The following ADD3 variants were observed in gnomAD, a reference collection of about 807,000 sequenced individuals.
ADD3 encodes the protein gamma-adducin.
Under a neutral mutation model 80.2 loss-of-function variants are expected in ADD3, and 25 were observed. The ratio of observed to expected loss-of-function variants is 0.31; its 90% CI spans 0.23 to 0.44. The LOEUF (loss-of-function observed/expected upper bound fraction) is 0.44. Ranked by LOEUF, ADD3 falls within the 20% of genes least tolerant of loss-of-function variation. The pLI is 1.00. For missense variants in ADD3, 829 were observed against 847.5 expected, an observed-to-expected ratio of 0.98 and a Z score of 0.27; for synonymous variants, 284 against 289.6, an observed-to-expected ratio of 0.98 and a Z score of 0.20.
chr10:110,006,009 C>T, upstream of ADD3: 1 of 244,364 alleles, frequency 4.1e-6, no homozygotes. Context: ...GCTGCTGCCG[C>T]CGCCGCCGCT....
intron 1 of ADD3, chr10:110,016,553 C>A (rs1321369859): frequency 1.3e-5 from 2 of 152,180 alleles, no homozygotes; most frequent in Non-Finnish European, 2.9e-5. Flanking sequence ...ATGGCTCCTG[C>A]AGACAATAAT....
chr10:110,099,452 T>G (rs1189899927), intron 1 of ADD3, among the ~76,000 whole-genome samples: 3 of 152,204 alleles, frequency 2.0e-5, no homozygotes, highest in Non-Finnish European at 4.4e-5. Context: ...GGCATTGTTT[T>G]TCAAGTTGTG....
intron 9 of ADD3, among the ~76,000 whole-genome samples, chr10:110,123,408 T>C (rs1301888371): frequency 7.1e-6 from 1 of 140,414 alleles, no homozygotes; most frequent in East Asian, 1.9e-4. Context: ...ATAGCGATTC[T>C]AACAGGACAT....
intron 1 of ADD3, among the ~76,000 whole-genome samples, chr10:110,023,238 T>C (rs755774646): frequency 6.6e-6 from 1 of 152,152 alleles, no homozygotes; most frequent in Non-Finnish European, 1.5e-5. Flanking sequence ...AGTGCCCTTA[T>C]AAAAGAGACC....
chr10:110,055,257 T>C (rs1357866440), intron 1 of ADD3, among the ~76,000 whole-genome samples: 1 of 152,218 alleles, frequency 6.6e-6, no homozygotes, highest in Non-Finnish European at 1.5e-5. Context: ...ATTATGGTAT[T>C]GCATGACCAT....
intron 1 of ADD3, among the ~76,000 whole-genome samples, chr10:110,070,919 T>C (rs1032150931): frequency 6.8e-6 from 1 of 146,642 alleles, no homozygotes; most frequent in African/African-American, 2.5e-5. Flanking sequence ...AGAGTGTTAG[T>C]AGGCCTACAA....
chr10:110,049,955 C>T (rs1450775370), intron 1 of ADD3, among the ~76,000 whole-genome samples: 1 of 152,042 alleles, frequency 6.6e-6, no homozygotes, highest in East Asian at 1.9e-4. Flanking sequence ...TCTGTAGCCC[C>T]TTTGTTTTTG....
chr10:110,040,426 C>A (rs1856166068), intron 1 of ADD3, among the ~76,000 whole-genome samples: 1 of 151,982 alleles, frequency 6.6e-6, no homozygotes, highest in South Asian at 2.1e-4. Flanking sequence ...TTAGTTTGGC[C>A]AATTAATATA....
chr10:110,040,241 TTGAA>T (rs1325654143), intron 1 of ADD3, among the ~76,000 whole-genome samples: 1 of 152,152 alleles, frequency 6.6e-6, no homozygotes, highest in African/African-American at 2.4e-5. Context: ...CATTGCTAGT[TTGAA>T]TGAGGTTTGG....
In ADD3 at chr10:110,122,164, C is replaced by G. The variant is rs1394249424; in HGVS notation, c.1015C>G (p.Gln339Glu). 6.2e-6 allele frequency: 10 copies of G among 1,613,908 alleles called. No individual in the cohort carries two copies. The highest frequency in any genetic ancestry group is 4.0e-5 in the African/African-American group (3 of 74,902). The stretch of plus-strand genomic sequence containing the variant: ...AGACAATCTCCATGTACTGGACTTT[C>G]AGAAGTATAAAGCTTTCACTTACAC... ...GVDNLHVLDF[Q>E]KYKAFTYTVA... Residue 339 changes from glutamine (Q) to glutamate (E), a missense_variant, in exon 9 of 15, where the codon CAG (glutamine) becomes GAG (glutamate). Gln to Glu is a conservative substitution (Grantham distance 29). Transcript: ENST00000356080.
chr10:110,085,209 C>A (rs951808259), intron 1 of ADD3, among the ~76,000 whole-genome samples: 6 of 152,154 alleles, frequency 3.9e-5, no homozygotes, highest in African/African-American at 1.4e-4. Context: ...GAGCCTAGAC[C>A]TCTTTAAATG....
chr10:110,072,516 G>A (rs1844859592), intron 1 of ADD3, among the ~76,000 whole-genome samples: 1 of 152,198 alleles, frequency 6.6e-6, no homozygotes, highest in African/African-American at 2.4e-5. Context: ...AAGCCAGAGG[G>A]TTGTGGGACT....
chr10:110,007,889 G>A (rs1263918599), upstream of ADD3: 7 of 149,898 alleles, frequency 4.7e-5, no homozygotes, highest in Non-Finnish European at 8.9e-5. Flanking sequence ...GGCGGACCTT[G>A]GGGGCGTGAC....
rs111373580 is a variant in ADD3, at chr10:110,108,173, C to A, written c.196-4604C>A. On this transcript the variant is annotated intron_variant, in intron 2 of 14. Coordinates refer to ENST00000356080, the MANE Select transcript of ADD3 (RefSeq NM_016824.5). ...TCATTATGCTTTGATGAATTCTTAGCTACAAGAGGGCAAGTACTTAGCCTG... is the reference window on the plus strand; with the variant it reads ...TCATTATGCTTTGATGAATTCTTAGATACAAGAGGGCAAGTACTTAGCCTG... Among the ~76,000 whole-genome samples the A allele has an allele frequency of 3.7e-3, 557 of 152,178 alleles. 3 individuals are homozygous for A. Among genetic ancestry groups the A allele is most frequent in the African/African-American group, 0.013 (524 of 41,538 alleles).
At chr10:110,063,136 GT>G (rs1211074065) in intron 1 of ADD3, among the ~76,000 whole-genome samples, 1 of 152,080 alleles carries the variant, frequency 6.6e-6, no homozygotes, top group Non-Finnish European at 1.5e-5. Context: ...GATTTTAAGT[GT>G]TTTGTGAATG....
chr10:110,133,366 A>C lies in ADD3; in HGVS notation c.1869A>C (p.Glu623Asp), dbSNP rs574688215. The C allele has an allele frequency of 5.0e-5, 81 of 1,604,418 alleles. No homozygotes were observed. In the East Asian group the frequency reaches 1.6e-3, roughly 32 times the overall value. The change falls in exon 15 of 15, where the codon GAA becomes GAC. Residue 623 changes from glutamate (E) to aspartate (D), a missense_variant. By Grantham distance (45) the Glu-to-Asp change is conservative. Transcript: ENST00000356080. ...TTTCCAAGAGCTTCATCTCCATGGA[A>C]GTGCCTGTCATGGTAGTAAATGGCA... ...ELFSKSFISM[E>D]VPVMVVNGKD...
intron 12 of ADD3, among the ~76,000 whole-genome samples, chr10:110,128,950 T>C (rs975888329): frequency 1.3e-5 from 2 of 152,182 alleles, no homozygotes; most frequent in Admixed American, 6.5e-5. Flanking sequence ...ATTGGTGGGC[T>C]TCACTGTAGG....
chr10:110,025,800 G>GT (rs1336273707), intron 1 of ADD3, among the ~76,000 whole-genome samples: 6 of 152,084 alleles, frequency 3.9e-5, no homozygotes, highest in African/African-American at 1.4e-4. Context: ...CAATTCTGGG[G>GT]TAAGGGGTTT....
chr10:110,098,629 A>C (rs555240661), intron 1 of ADD3, among the ~76,000 whole-genome samples: 3 of 152,074 alleles, frequency 2.0e-5, no homozygotes, highest in African/African-American at 7.2e-5. Context: ...TTTCATGAAT[A>C]CAGAATTTTT....
Sources: allele counts gnomAD v4.1 joint callset (sites outside exome capture counted in the v4.1 genomes callset), GRCh38; gene constraint gnomAD v4.1.1; transcripts MANE v1.5; gene names NCBI Gene and HGNC (gene_info 2026-07-23, HGNC 2026-07-21).